Variants in COL18A1 observed in about 807,000 individuals in gnomAD.
COL18A1 encodes collagen type XVIII alpha 1 chain.
In COL18A1, 133 loss-of-function variants were observed where a neutral mutation model predicts 168.0. The ratio of observed to expected loss-of-function variants is 0.79; its 90% CI spans 0.69 to 0.91. The LOEUF is 0.91. COL18A1 is among the 40% of genes least tolerant of loss of function. COL18A1 has a pLI of 0.00. For synonymous variants in COL18A1, 949 were observed against 809.0 expected (o/e 1.17, Z -2.94); for missense variants, 2,126 against 1,925.4 (o/e 1.10, Z -1.95).
At chr21:45,493,674 C>T (rs948510075) in intron 26 of COL18A1, 99 bp downstream of exon 26, 36 of 861,952 alleles carry the variant, frequency 4.2e-5, no homozygotes, top group Admixed American at 1.1e-4. Context: ...TCCTGATGCA[C>T]GAGCCTCTCC....
rs1382308064 is a variant in COL18A1, at chr21:45,505,497, C to T, written c.3087+66C>T. 7 of 845,032 alleles carry T rather than the reference C, an allele frequency of 8.3e-6. No homozygotes were observed. In the East Asian group the frequency reaches 1.0e-4, roughly 13 times the overall value. 52.3% of individuals were successfully genotyped at this position (845,032 alleles called of 1,614,324 possible). A position where few individuals can be genotyped will look rare whatever the true frequency, so the allele number is the denominator to read the frequency against. On this transcript the variant is annotated intron_variant, in intron 36 of 41. Coordinates refer to ENST00000651438, the MANE Select transcript of COL18A1 (RefSeq NM_001379500.1). ...CCCTGGCTGGTTCTGCAGCCCCTGCCCCTCAGAGACACTCTCCCACGGACC... is the reference window on the plus strand; with the variant it reads ...CCCTGGCTGGTTCTGCAGCCCCTGCTCCTCAGAGACACTCTCCCACGGACC...
chr21:45,492,748 G>GCCACTGCCCTCCCA lies in COL18A1; in HGVS notation c.2214+35_2214+36insCCACTGCCCTCCCA, dbSNP rs1555870091. 185 of 1,530,386 alleles carry GCCACTGCCCTCCCA rather than the reference G, an allele frequency of 1.2e-4. No homozygotes were observed. The South Asian group carries it at 1.8e-3, about 15-fold the overall frequency. The allele number at this position is 1,530,386 out of a possible 1,614,324, so 94.8% of individuals were successfully genotyped here. A position where few individuals can be genotyped will look rare whatever the true frequency, so the allele number is the denominator to read the frequency against. On this transcript the variant is annotated intron_variant, in intron 24 of 41. Transcript: ENST00000651438. The stretch of plus-strand genomic sequence containing the variant: ...CTGGTGCCAGAGCTGCATGCTGCCC[G>GCCACTGCCCTCCCA]GCTGGGGAGGGGTCTCCACCTGGTA...
At chr21:45,416,953 C>T (rs1297229280) in intron 2 of COL18A1, among the ~76,000 whole-genome samples, 1 of 152,194 alleles carries the variant, frequency 6.6e-6, no homozygotes, top group African/African-American at 2.4e-5. Context: ...GGTATGTTTT[C>T]TTGTTCCGTG....
chr21:45,496,675 C>A (rs895301069), intron 30 of COL18A1, 107 bp downstream of exon 30: 32 of 762,052 alleles, frequency 4.2e-5, no homozygotes, highest in Non-Finnish European at 6.7e-5. Flanking sequence ...TCTGGGGGTC[C>A]TTCTAGGATG....
chr21:45,467,725 G>A (rs1308293640), intron 2 of COL18A1, among the ~76,000 whole-genome samples: 3 of 152,158 alleles, frequency 2.0e-5, no homozygotes, highest in African/African-American at 7.2e-5. Context: ...GCCAGGCTGG[G>A]GTGCCGGCCT....
At chr21:45,456,267 C>T (rs746650638) in intron 2 of COL18A1, 10 of 1,577,982 alleles carry the variant, frequency 6.3e-6, no homozygotes, top group Non-Finnish European at 8.6e-6. Flanking sequence ...CCCGCCGCAG[C>T]CGCTCCCAGC....
At chr21:45,496,311 TG>T in intron 29 of COL18A1, 188 bp from the exon 30 acceptor site, 1 of 714,878 alleles carries the variant, frequency 1.4e-6, no homozygotes. Context: ...TGGGATGAGG[TG>T]GGGCCGGGGC....
intron 2 of COL18A1, among the ~76,000 whole-genome samples, chr21:45,450,492 GC>G (rs903714328): frequency 5.9e-5 from 9 of 152,176 alleles, no homozygotes; most frequent in African/African-American, 1.9e-4. Context: ...CCGGAAATGA[GC>G]CCCCCTCTTT....
At chr21:45,427,023 G>A (rs1198078464) in intron 2 of COL18A1, among the ~76,000 whole-genome samples, 1 of 152,210 alleles carries the variant, frequency 6.6e-6, no homozygotes. Flanking sequence ...CTCCTGAGGT[G>A]CAGACACCCC....
chr21:45,497,639 A>G lies in COL18A1; in HGVS notation c.2661A>G (p.Glu887=), dbSNP rs2036587736. The change falls in exon 32 of 42, where the codon GAA becomes GAG. Residue 887 remains glutamate, a synonymous_variant. Transcript: ENST00000651438. Reference sequence around the variant, plus strand: ...CAGGACCCAAGGGCGCCAAAGGAGAAGTGGGCCCCCCCGGACCACCAGGTG... The same window carrying G: ...CAGGACCCAAGGGCGCCAAAGGAGAGGTGGGCCCCCCCGGACCACCAGGTG... ...GPPGPKGAKG[E]VGPPGPPGQF... 6.4e-7 allele frequency: 1 copy of G among 1,569,800 alleles called. No homozygotes were observed. Among genetic ancestry groups the G allele is most frequent in the African/African-American group, 1.4e-5 (1 of 73,790 alleles).
intron 2 of COL18A1, among the ~76,000 whole-genome samples, chr21:45,459,262 G>A (rs2034960360): frequency 6.6e-6 from 1 of 152,202 alleles, no homozygotes; most frequent in Admixed American, 6.5e-5. Flanking sequence ...ATGTTGGGCT[G>A]GACACTCCCA....
In COL18A1 at chr21:45,471,570, G is replaced by A. The variant is rs535105167; in HGVS notation, c.652-2325G>A. On this transcript the variant is annotated intron_variant, in intron 3 of 41. Coordinates refer to ENST00000651438, the MANE Select transcript of COL18A1 (RefSeq NM_001379500.1). The surrounding 1 kb of genome is among the most constrained non-coding windows in gnomAD (Gnocchi z 4.4). Reference sequence around the variant, plus strand: ...GCAGCTGGGTCCAACAGAGCCCTCCGGAGCATTGGTTGTGTTCCTCGTCCT... The same window carrying A: ...GCAGCTGGGTCCAACAGAGCCCTCCAGAGCATTGGTTGTGTTCCTCGTCCT... Among the ~76,000 whole-genome samples the A allele has an allele frequency of 2.6e-5, 4 of 152,262 alleles. No homozygotes were observed. Among genetic ancestry groups the A allele is most frequent in the Admixed American group, 1.3e-4 (2 of 15,296 alleles).
intron 9 of COL18A1, among the ~76,000 whole-genome samples, chr21:45,478,629 C>G (rs1057361017): frequency 6.6e-6 from 1 of 151,420 alleles, no homozygotes; most frequent in Non-Finnish European, 1.5e-5. Flanking sequence ...AGAGGGAAGA[C>G]GCACAGCAAA....
At chr21:45,511,891 G>C (rs1040536036) in intron 41 of COL18A1, among the ~76,000 whole-genome samples, 1 of 152,194 alleles carries the variant, frequency 6.6e-6, no homozygotes, top group South Asian at 2.1e-4. Context: ...GCCACAGGAA[G>C]CCTCTGCTCA....
chr21:45,473,763 G>T lies in COL18A1; in HGVS notation c.652-132G>T. 1 of 770,730 alleles carries T rather than the reference G, an allele frequency of 1.3e-6. No homozygotes were observed. Among genetic ancestry groups the T allele is most frequent in the South Asian group, 1.5e-5 (1 of 67,902 alleles). The allele number at this position is 770,730 out of a possible 1,614,324, so 47.7% of individuals were successfully genotyped here. On this transcript the variant is annotated intron_variant, in intron 3 of 41. Coordinates refer to ENST00000651438, the MANE Select transcript of COL18A1 (RefSeq NM_001379500.1). The surrounding 1 kb of genome is among the most constrained non-coding windows in gnomAD (Gnocchi z 4.0). ...GGCATACCGCACCCCCAGGGAGGCT[G>T]CCCGAGACCCCTTCCCTCTCCGAGA...
intron 4 of COL18A1, among the ~76,000 whole-genome samples, chr21:45,475,216 A>G (rs919202443): frequency 3.9e-5 from 6 of 152,254 alleles, no homozygotes; most frequent in Non-Finnish European, 8.8e-5. Context: ...CGCATGTCTG[A>G]CCACCGGCCG....
intron 2 of COL18A1, among the ~76,000 whole-genome samples, chr21:45,429,654 A>T (rs1265831327): frequency 6.6e-6 from 1 of 152,150 alleles, no homozygotes; most frequent in African/African-American, 2.4e-5. Flanking sequence ...GCAGGATCCC[A>T]GGACGGTGGA....
At chr21:45,434,669 A>G (rs2034051331) in intron 2 of COL18A1, among the ~76,000 whole-genome samples, 1 of 152,222 alleles carries the variant, frequency 6.6e-6, no homozygotes, top group African/African-American at 2.4e-5. Flanking sequence ...TGGACGTTCC[A>G]CTTCCACCTC....
intron 38 of COL18A1, 51 bp downstream of exon 38, chr21:45,507,644 G>C (rs75571235): frequency 1.3e-6 from 2 of 1,541,610 alleles, no homozygotes; most frequent in South Asian, 2.3e-5. Context: ...GACATGAGGG[G>C]GTATGTGCTG....
Sources: allele counts gnomAD v4.1 joint callset (sites outside exome capture counted in the v4.1 genomes callset), GRCh38; gene constraint gnomAD v4.1.1; non-coding constraint Gnocchi (gnomAD v3.1); transcripts MANE v1.5; gene names NCBI Gene and HGNC (gene_info 2026-07-23, HGNC 2026-07-21).